GRXCR1: variants seen among roughly 807,000 people sequenced by gnomAD.
GRXCR1 encodes glutaredoxin and cysteine rich domain containing 1, also known as glutaredoxin domain-containing cysteine-rich protein 1.
In GRXCR1, 27 loss-of-function variants were observed where a neutral mutation model predicts 27.3. That is an observed-to-expected ratio of 0.99 (90% CI 0.73 to 1.37). The LOEUF (loss-of-function observed/expected upper bound fraction) is 1.37. GRXCR1 is among the 40% of genes most tolerant of loss of function. The pLI, the probability that GRXCR1 is intolerant of heterozygous loss-of-function variation, is 0.00. For synonymous variants in GRXCR1, 122 were observed against 131.1 expected (o/e 0.93, Z 0.47); for missense variants, 379 against 354.4 (o/e 1.07, Z -0.56).
At chr4:43,004,986 C>G (rs930190637) in intron 2 of GRXCR1, among the ~76,000 whole-genome samples, 1 of 152,184 alleles carries the variant, frequency 6.6e-6, no homozygotes, top group African/African-American at 2.4e-5. Context: ...CTCTGTGTCC[C>G]CACCCAAATC....
At chr4:42,983,052 T>G in intron 2 of GRXCR1, among the ~76,000 whole-genome samples, 1 of 152,002 alleles carries the variant, frequency 6.6e-6, no homozygotes, top group Non-Finnish European at 1.5e-5. Flanking sequence ...GGAAGCTCTT[T>G]AGTTTAATTA....
intron 2 of GRXCR1, among the ~76,000 whole-genome samples, chr4:42,993,280 C>A (rs1712033557): frequency 6.6e-6 from 1 of 152,096 alleles, no homozygotes. Context: ...TATTGGTCCT[C>A]TTTTTGCTTT....
intron 1 of GRXCR1, among the ~76,000 whole-genome samples, chr4:42,927,239 G>A (rs540905987): frequency 6.6e-6 from 1 of 151,984 alleles, no homozygotes; most frequent in Non-Finnish European, 1.5e-5. Context: ...AGCATACTGA[G>A]GCTGGGGTTG....
chr4:42,987,238 TA>T (rs1560676841), intron 2 of GRXCR1, among the ~76,000 whole-genome samples: 2 of 63,604 alleles, frequency 3.1e-5, no homozygotes, highest in Non-Finnish European at 6.7e-5. Context: ...ATTATATATA[TA>T]TAATATATAA....
At chr4:43,001,022 G>A (rs1712339102) in intron 2 of GRXCR1, among the ~76,000 whole-genome samples, 1 of 151,870 alleles carries the variant, frequency 6.6e-6, no homozygotes, top group South Asian at 2.1e-4. Context: ...TACCTCCCGG[G>A]TTCAAGCAGT....
At chr4:43,010,286 C>T (rs1210335094) in intron 2 of GRXCR1, among the ~76,000 whole-genome samples, 3 of 151,896 alleles carry the variant, frequency 2.0e-5, no homozygotes, top group Admixed American at 6.6e-5. Context: ...GCCTGTAATG[C>T]CAGCTACTCG....
intron 2 of GRXCR1, among the ~76,000 whole-genome samples, chr4:43,008,865 G>T (rs1372917395): frequency 3.9e-5 from 6 of 152,284 alleles, no homozygotes; most frequent in Non-Finnish European, 7.4e-5. Flanking sequence ...AAGACAACTT[G>T]CAGGGATGCA....
At chr4:42,932,651 GAGAGAGAGAGAGA>G (rs1747355722) in intron 1 of GRXCR1, among the ~76,000 whole-genome samples, 2 of 138,388 alleles carry the variant, frequency 1.4e-5, no homozygotes, top group Non-Finnish European at 3.1e-5. Context: ...GAGAGAGAGA[GAGAGAGAGAGAGA>G]GGCAATCTGT....
intron 1 of GRXCR1, 87 bp from the exon 2 acceptor site, chr4:42,962,805 C>G: frequency 6.7e-7 from 1 of 1,496,286 alleles, no homozygotes. Flanking sequence ...TATTGCATGG[C>G]TTTAACGCAA....
chr4:43,029,802 G>A (rs909186653), intron 3 of GRXCR1, among the ~76,000 whole-genome samples: 2 of 152,110 alleles, frequency 1.3e-5, no homozygotes, highest in East Asian at 1.9e-4. Context: ...GTACTTGTTA[G>A]GGTGGGTGAA....
chr4:42,910,317 C>T (rs1204357938), intron 1 of GRXCR1, among the ~76,000 whole-genome samples: 1 of 152,190 alleles, frequency 6.6e-6, no homozygotes, highest in Non-Finnish European at 1.5e-5. Context: ...TTGATTACTG[C>T]TATGAACCAC....
intron 1 of GRXCR1, among the ~76,000 whole-genome samples, chr4:42,897,964 T>TATTATTATG (rs1746387808): frequency 7.1e-6 from 1 of 140,520 alleles, no homozygotes. Flanking sequence ...TTATTCTTAT[T>TATTATTATG]ATGTCTGTTT....
rs1308182155 is a variant in GRXCR1, at chr4:42,892,910, T to C, written c.-357T>C. On this transcript the variant is annotated 5_prime_UTR_variant, in exon 1 of 4. Coordinates refer to ENST00000399770, the MANE Select transcript of GRXCR1 (RefSeq NM_001080476.3). ...CTCAGGTCCTTTTCAATGCCCACCA[T>C]TGGCTTCAAAGTTCAAGCCTTTCAT... Among the ~76,000 whole-genome samples, 1 of 152,162 alleles carries C rather than the reference T, an allele frequency of 6.6e-6. No individual in the cohort carries two copies. The highest frequency in any genetic ancestry group is 1.5e-5 in the Non-Finnish European group (1 of 68,012).
At chr4:42,960,696 C>T (rs983206814) in intron 1 of GRXCR1, among the ~76,000 whole-genome samples, 37 of 151,568 alleles carry the variant, frequency 2.4e-4, no homozygotes, top group African/African-American at 8.5e-4. Context: ...TGTTAGGTAG[C>T]TATTGTTATT....
chr4:42,915,798 C>A (rs1167092728), intron 1 of GRXCR1, among the ~76,000 whole-genome samples: 1 of 152,128 alleles, frequency 6.6e-6, no homozygotes, highest in Non-Finnish European at 1.5e-5. Flanking sequence ...GATGCTTCAT[C>A]CTTGCCTATT....
intron 2 of GRXCR1, among the ~76,000 whole-genome samples, chr4:42,982,810 T>C (rs1193295239): frequency 1.3e-5 from 2 of 150,752 alleles, no homozygotes; most frequent in Admixed American, 6.6e-5. Context: ...CGGCCAGTGA[T>C]GATGAGCATT....
intron 2 of GRXCR1, among the ~76,000 whole-genome samples, chr4:42,969,404 C>T (rs1303639639): frequency 6.6e-6 from 1 of 152,092 alleles, no homozygotes; most frequent in Admixed American, 6.6e-5. Flanking sequence ...CACAGTCCTG[C>T]AGGCTTAACA....
intron 1 of GRXCR1, among the ~76,000 whole-genome samples, chr4:42,934,880 T>G (rs1438936602): frequency 6.6e-6 from 1 of 151,970 alleles, no homozygotes; most frequent in Non-Finnish European, 1.5e-5. Context: ...ATTCTTATGG[T>G]CAGTTACACT....
chr4:42,904,058 G>A (rs1335441389), intron 1 of GRXCR1, among the ~76,000 whole-genome samples: 1 of 152,214 alleles, frequency 6.6e-6, no homozygotes, highest in African/African-American at 2.4e-5. Context: ...GGAATGGACA[G>A]GGAGTTCTGT....
Sources: allele counts gnomAD v4.1 joint callset (sites outside exome capture counted in the v4.1 genomes callset), GRCh38; gene constraint gnomAD v4.1.1; transcripts MANE v1.5; gene names NCBI Gene and HGNC (gene_info 2026-07-23, HGNC 2026-07-21).